Variants in SNX9 observed in about 807,000 individuals in gnomAD.
SNX9 encodes the protein sorting nexin 9.
Under a neutral mutation model 89.4 loss-of-function variants are expected in SNX9, and 44 were observed. The observed-to-expected ratio is 0.49, with a 90% CI of 0.39 to 0.63. The LOEUF is 0.63. SNX9 is among the 30% of genes least tolerant of loss of function. The pLI is 0.00. For synonymous variants in SNX9, 236 were observed against 247.8 expected (o/e 0.95, Z 0.45); for missense variants, 578 against 736.1 (o/e 0.79, Z 2.49).
At position 157,867,206 on chromosome 6, in the gene SNX9, T is replaced by A. The variant is rs1384004067; in HGVS notation, c.13-341T>A. The stretch of plus-strand genomic sequence containing the variant: ...GGCCTCAAGCAATCCTCCTGCTATT[T>A]AGTCTCCCAAGTAGCAGGGATTGCA... On this transcript the variant is annotated intron_variant, in intron 1 of 17. Transcript: ENST00000392185. 3.3e-5 allele frequency among the ~76,000 whole-genome samples: 5 copies of A among 152,168 alleles called. No homozygotes were observed. The South Asian group carries it at 8.3e-4, about 25-fold the overall frequency.
chr6:157,871,186 C>G (rs1341635941), intron 2 of SNX9, among the ~76,000 whole-genome samples: 2 of 152,096 alleles, frequency 1.3e-5, no homozygotes, highest in Non-Finnish European at 2.9e-5. Context: ...TCAAGACCAG[C>G]CTTAGTAACA....
At chr6:157,850,227 G>A (rs1015875675) in intron 1 of SNX9, among the ~76,000 whole-genome samples, 5 of 151,926 alleles carry the variant, frequency 3.3e-5, no homozygotes, top group Admixed American at 1.3e-4. Flanking sequence ...GAAAGCTGCC[G>A]GTATCCTTGG....
chr6:157,861,338 A>C (rs558147478), intron 1 of SNX9, among the ~76,000 whole-genome samples: 5 of 152,308 alleles, frequency 3.3e-5, no homozygotes, highest in Non-Finnish European at 7.3e-5. Flanking sequence ...TAATTAATTG[A>C]CCCGCATCCC....
At chr6:157,939,984 A>G (rs1460717888) in intron 16 of SNX9, among the ~76,000 whole-genome samples, 2 of 152,090 alleles carry the variant, frequency 1.3e-5, no homozygotes, top group Non-Finnish European at 2.9e-5. Context: ...GGACAGAGAA[A>G]GAAGGAATCC....
chr6:157,900,837 C>T (rs912428014), intron 5 of SNX9, among the ~76,000 whole-genome samples: 1 of 152,162 alleles, frequency 6.6e-6, no homozygotes, highest in Non-Finnish European at 1.5e-5. Context: ...GCAGCAAAAG[C>T]TGGTTACAAA....
At chr6:157,838,672 C>G (rs1781633227) in intron 1 of SNX9, among the ~76,000 whole-genome samples, 1 of 152,200 alleles carries the variant, frequency 6.6e-6, no homozygotes, top group Admixed American at 6.5e-5. Flanking sequence ...AGGATCATTT[C>G]TCTAGTTTAG....
intron 1 of SNX9, among the ~76,000 whole-genome samples, chr6:157,854,733 A>G (rs1366703696): frequency 2.0e-5 from 3 of 152,166 alleles, no homozygotes; most frequent in African/African-American, 4.8e-5. Flanking sequence ...GTCTAGGAAT[A>G]TGGTTTACCC....
intron 10 of SNX9, among the ~76,000 whole-genome samples, chr6:157,923,713 A>C (rs1783630865): frequency 6.6e-6 from 1 of 152,238 alleles, no homozygotes; most frequent in Non-Finnish European, 1.5e-5. Flanking sequence ...TGAAGCTAAA[A>C]AAGTTTAAAA....
chr6:157,891,035 T>TTC (rs1782848207), intron 4 of SNX9, among the ~76,000 whole-genome samples: 1 of 143,074 alleles, frequency 7.0e-6, no homozygotes, highest in East Asian at 2.0e-4. Flanking sequence ...CTCTTTTTTT[T>TTC]TTTTTTTTTT....
At chr6:157,928,259 G>A (rs969092799) in intron 11 of SNX9, among the ~76,000 whole-genome samples, 1 of 152,140 alleles carries the variant, frequency 6.6e-6, no homozygotes, top group Non-Finnish European at 1.5e-5. Flanking sequence ...GCTAGCATTA[G>A]CAACCCCTGT....
At chr6:157,900,484 A>G (rs1783073404) in intron 5 of SNX9, among the ~76,000 whole-genome samples, 2 of 152,194 alleles carry the variant, frequency 1.3e-5, no homozygotes, top group African/African-American at 4.8e-5. Flanking sequence ...CCGTTGAGAA[A>G]TAATAGACAC....
chr6:157,840,420 T>TTTCCTTTCCTTCC (rs199981713), intron 1 of SNX9, among the ~76,000 whole-genome samples: 2,897 of 118,624 alleles, frequency 0.024, 166 homozygotes, highest in African/African-American at 0.091. Context: ...TCTTTCTTTC[T>TTTCCTTTCCTTCC]TTTCTTTCTT....
intron 4 of SNX9, among the ~76,000 whole-genome samples, chr6:157,890,948 T>C (rs745850667): frequency 6.6e-6 from 1 of 151,964 alleles, no homozygotes; most frequent in Non-Finnish European, 1.5e-5. Context: ...CCTGTCTGTA[T>C]CATCCACTTT....
chr6:157,859,809 CTT>C (rs547998926), intron 1 of SNX9, among the ~76,000 whole-genome samples: 1 of 152,152 alleles, frequency 6.6e-6, no homozygotes, highest in South Asian at 2.1e-4. Context: ...TCCAGAAACT[CTT>C]TATGTATCAG....
chr6:157,905,119 C>T (rs1783183829), intron 6 of SNX9, among the ~76,000 whole-genome samples: 1 of 152,152 alleles, frequency 6.6e-6, no homozygotes, highest in African/African-American at 2.4e-5. Flanking sequence ...AGTCAGAATT[C>T]AAACCCCATG....
At chr6:157,940,241 G>A (rs1784010304) in intron 16 of SNX9, among the ~76,000 whole-genome samples, 1 of 152,236 alleles carries the variant, frequency 6.6e-6, no homozygotes, top group African/African-American at 2.4e-5. Context: ...CACACCAGAG[G>A]CTTTGAACTG....
chr6:157,894,171 G>A lies in SNX9; in HGVS notation c.301-2656G>A, dbSNP rs1782926723. On this transcript the variant is annotated intron_variant, in intron 4 of 17. Coordinates refer to ENST00000392185, the MANE Select transcript of SNX9 (RefSeq NM_016224.5). ...GTCGCCCAGTCTGGAGTGCAGTGGC[G>A]TGATCTCAGCTCATTGCAATCTCCG... Among the ~76,000 whole-genome samples the A allele has an allele frequency of 2.9e-5, 4 of 138,058 alleles. No individual in the cohort carries two copies. The South Asian group carries it at 7.0e-4, about 24-fold the overall frequency. The allele number at this position is 138,058 out of a possible 152,430, so 90.6% of individuals were successfully genotyped here. A position where few individuals can be genotyped will look rare whatever the true frequency, so the allele number is the denominator to read the frequency against.
At chr6:157,921,986 A>G (rs1394539262) in intron 10 of SNX9, among the ~76,000 whole-genome samples, 2 of 152,204 alleles carry the variant, frequency 1.3e-5, no homozygotes, top group Admixed American at 6.5e-5. Flanking sequence ...TGAAGGTATT[A>G]TCAGCATGAA....
chr6:157,862,357 T>C (rs1037372970), intron 1 of SNX9, among the ~76,000 whole-genome samples: 3 of 152,024 alleles, frequency 2.0e-5, no homozygotes, highest in Admixed American at 6.5e-5. Context: ...TTGTAAGTCA[T>C]GAATGTGCTT....
Sources: gnomAD v4.1 joint callset for allele counts (sites outside exome capture counted in the v4.1 genomes callset) on GRCh38, gnomAD v4.1.1 for gene constraint, MANE v1.5 for transcripts, NCBI Gene and HGNC (gene_info 2026-07-23, HGNC 2026-07-21) for gene names.